KDM5A: variants seen among roughly 807,000 people sequenced by gnomAD.
The protein encoded by KDM5A is lysine demethylase 5A, also known as lysine-specific demethylase 5A.
A neutral mutation model predicts 193.5 loss-of-function variants in KDM5A; 42 were observed. That is an observed-to-expected ratio of 0.22 (90% CI 0.17 to 0.28). The LOEUF is 0.28. Ranked by LOEUF, KDM5A falls within the 10% of genes least tolerant of loss-of-function variation. The pLI is 1.00. For missense variants in KDM5A, 1,692 were observed against 2,055.1 expected (o/e 0.82, Z 3.42); for synonymous variants, 796 against 718.1 (o/e 1.11, Z -1.73).
At chr12:298,917 T>C (rs563877863) in intron 24 of KDM5A, among the ~76,000 whole-genome samples, 106 of 151,552 alleles carry the variant, frequency 7.0e-4, no homozygotes, top group South Asian at 2.9e-3. Context: ...CAAGTATCAA[T>C]AGCCGAATCA....
chr12:333,139 C>T (rs1943884100), intron 12 of KDM5A: 1 of 290,044 alleles, frequency 3.4e-6, no homozygotes, highest in South Asian at 4.1e-5. Context: ...AAAATACTGG[C>T]TGGGTGCAGT....
At chr12:294,026 C>T (rs1293812812) in intron 26 of KDM5A, among the ~76,000 whole-genome samples, 1 of 151,916 alleles carries the variant, frequency 6.6e-6, no homozygotes. Context: ...GCAAACTGTA[C>T]TAAATTATGT....
chr12:288,238 C>A (rs507597), intron 27 of KDM5A, among the ~76,000 whole-genome samples: 23,593 of 152,136 alleles, frequency 0.16, 2,138 homozygotes, highest in Non-Finnish European at 0.2. Flanking sequence ...GGGCAACAGA[C>A]TATGTAGTAT....
chr12:382,099 C>A (rs1189808738), intron 3 of KDM5A, among the ~76,000 whole-genome samples: 3 of 152,212 alleles, frequency 2.0e-5, no homozygotes, highest in East Asian at 1.9e-4. Context: ...GTATGAGCCA[C>A]CACATGCCAC....
intron 5 of KDM5A, among the ~76,000 whole-genome samples, chr12:360,348 A>G (rs1468195243): frequency 6.6e-6 from 1 of 152,144 alleles, no homozygotes; most frequent in Non-Finnish European, 1.5e-5. Context: ...TGAGACAGCT[A>G]AGGAGAGTGA....
At chr12:363,481 A>T (rs1944316709) in intron 4 of KDM5A, among the ~76,000 whole-genome samples, 1 of 152,210 alleles carries the variant, frequency 6.6e-6, no homozygotes, top group South Asian at 2.1e-4. Flanking sequence ...TGGTCAACTG[A>T]TCTCCAACAA....
intron 10 of KDM5A, among the ~76,000 whole-genome samples, chr12:335,329 A>G (rs1045784462): frequency 6.6e-6 from 1 of 152,248 alleles, no homozygotes; most frequent in African/African-American, 2.4e-5. Context: ...TATGGAGAAC[A>G]GTTCTCAAAA....
chr12:328,003 G>A (rs1943814400), intron 14 of KDM5A, among the ~76,000 whole-genome samples: 4 of 151,726 alleles, frequency 2.6e-5, no homozygotes, highest in Admixed American at 2.6e-4. Context: ...GACAGAGAGA[G>A]AACCCATCTT....
intron 14 of KDM5A, among the ~76,000 whole-genome samples, chr12:324,511 T>C (rs933206586): frequency 6.6e-6 from 1 of 152,080 alleles, no homozygotes; most frequent in African/African-American, 2.4e-5. Context: ...TAAAGTAAAT[T>C]GTGCAAATTA....
At position 354,146 on chromosome 12, in the gene KDM5A, G is replaced by T; in HGVS notation, c.959C>A (p.Thr320Lys). ...AGGTAGTGGAGGAATTAGACAAAAT[G>T]TATGATAGCTGTCATCACATCCATC... ...LCDGCDDSYH[T>K]FCLIPPLPDV... is the part of the protein sequence containing the mutation. The change falls in exon 8 of 28, where the codon ACA becomes AAA. Residue 320 changes from threonine to lysine, a missense_variant. This residue lies in a region of KDM5A where 62 missense variants were observed against 107.1 expected (regional missense o/e 0.58). Coordinates refer to ENST00000399788, the MANE Select transcript of KDM5A (RefSeq NM_001042603.3). 1.2e-6 allele frequency: 2 copies of T among 1,612,618 alleles called. No homozygotes were observed. Among genetic ancestry groups the T allele is most frequent in the Non-Finnish European group, 8.5e-7 (1 of 1,178,756 alleles).
intron 3 of KDM5A, among the ~76,000 whole-genome samples, chr12:379,721 A>T (rs1298996060): frequency 1.3e-5 from 2 of 152,226 alleles, no homozygotes; most frequent in Admixed American, 6.5e-5. Context: ...AAAACCCACA[A>T]AGACAAGATT....
chr12:349,021 C>CTTT (rs200223430), intron 10 of KDM5A, among the ~76,000 whole-genome samples: 1 of 135,946 alleles, frequency 7.4e-6, no homozygotes, highest in Non-Finnish European at 1.6e-5. Flanking sequence ...AGCTTCTAGA[C>CTTT]TTTTTTTTTT....
At chr12:372,769 A>ACGT (rs1944446168) in intron 3 of KDM5A, among the ~76,000 whole-genome samples, 1 of 152,222 alleles carries the variant, frequency 6.6e-6, no homozygotes. Flanking sequence ...ACGTCCCATC[A>ACGT]ATACCTAATT....
chr12:330,071 G>GTATATATATATATATATA (rs1565535899), intron 13 of KDM5A, among the ~76,000 whole-genome samples: 1 of 122,682 alleles, frequency 8.2e-6, no homozygotes, highest in East Asian at 2.9e-4. Flanking sequence ...GTGTGTGTGT[G>GTATATATATATATATATA]TGTGTGTGTG....
intron 26 of KDM5A, among the ~76,000 whole-genome samples, chr12:293,866 A>G (rs1027327352): frequency 6.6e-6 from 1 of 151,764 alleles, no homozygotes. Context: ...TTCAATGAAG[A>G]TAACAGTAGA....
At chr12:324,527 T>G (rs1943759991) in intron 14 of KDM5A, among the ~76,000 whole-genome samples, 1 of 152,166 alleles carries the variant, frequency 6.6e-6, no homozygotes. Flanking sequence ...AATTAAAATA[T>G]AATATCAGCA....
intron 3 of KDM5A, among the ~76,000 whole-genome samples, chr12:376,599 T>A (rs1178635793): frequency 6.6e-6 from 1 of 152,174 alleles, no homozygotes; most frequent in Admixed American, 6.5e-5. Flanking sequence ...GCACCCACTG[T>A]CCAACAAGCC....
At chr12:330,589 T>C (rs913707445) in intron 13 of KDM5A, among the ~76,000 whole-genome samples, 1 of 152,174 alleles carries the variant, frequency 6.6e-6, no homozygotes, top group African/African-American at 2.4e-5. Context: ...CCTAGCCAAT[T>C]ACCATGTATC....
chr12:286,856 CT>C (rs932856172), intron 27 of KDM5A, among the ~76,000 whole-genome samples: 8 of 152,180 alleles, frequency 5.3e-5, no homozygotes, highest in Non-Finnish European at 1.0e-4. Context: ...TGTTTTGTTC[CT>C]ATGCTAAAGT....
Sources: allele counts gnomAD v4.1 joint callset (sites outside exome capture counted in the v4.1 genomes callset), GRCh38; gene constraint gnomAD v4.1.1; regional missense constraint gnomAD v4.1.1; transcripts MANE v1.5; gene names NCBI Gene and HGNC (gene_info 2026-07-23, HGNC 2026-07-21).